FAM163A: variants seen among roughly 807,000 people sequenced by gnomAD.
FAM163A encodes the protein family with sequence similarity 163 member A.
FAM163A carries 7 observed loss-of-function variants against 12.0 expected under a neutral mutation model. The ratio of observed to expected loss-of-function variants is 0.58; its 90% confidence interval spans 0.33 to 1.10. The LOEUF (loss-of-function observed/expected upper bound fraction) is 1.10, where lower values mean the gene tolerates loss of function less well. Ranked by LOEUF, FAM163A falls within the 50% of genes least tolerant of loss-of-function variation. The probability of loss-of-function intolerance (pLI) is 0.03; values close to 1 mark genes in which losing one functional copy is unlikely to be tolerated. For synonymous variants in FAM163A, 101 were observed against 91.0 expected (o/e 1.11, Z -0.62); for missense variants, 202 against 218.6 (o/e 0.92, Z 0.48).
chr1:179,757,794 A>G lies in FAM163A; in HGVS notation c.-136+14371A>G, dbSNP rs544014520. Reference sequence around the variant, plus strand: ...GCCACTGCACTCCAGCCTGAGCGACAAAGCGAGACTGTCTCAAAACAAAAC... The same window carrying G: ...GCCACTGCACTCCAGCCTGAGCGACGAAGCGAGACTGTCTCAAAACAAAAC... On this transcript the variant is annotated intron_variant, in intron 1 of 4. Transcript: ENST00000341785. Among the ~76,000 whole-genome samples, 16 of 151,442 alleles carry G rather than the reference A, an allele frequency of 1.1e-4. 1 individual carries two copies. The East Asian group carries it at 3.1e-3, about 29-fold the overall frequency.
In FAM163A at chr1:179,813,765, G is replaced by C. The variant is rs909956293; in HGVS notation, c.94-14G>C. 1 of 1,613,640 alleles carries C rather than the reference G, an allele frequency of 6.2e-7. No individual in the cohort carries two copies. ...CATTCACCCTCTCAGGCATCCCTCTGCCCTTCCGCACAGTATTACTGCTGC... is the reference window on the plus strand; with the variant it reads ...CATTCACCCTCTCAGGCATCCCTCTCCCCTTCCGCACAGTATTACTGCTGC... On this transcript the variant is annotated splice_polypyrimidine_tract_variant and intron_variant, in intron 4 of 4. Transcript: ENST00000341785.
chr1:179,753,659 GTA>G lies in FAM163A; in HGVS notation c.-136+10240_-136+10241del, dbSNP rs145058793. 4.9e-4 allele frequency among the ~76,000 whole-genome samples: 75 copies of G among 152,280 alleles called. No individual in the cohort carries two copies. The East Asian group carries it at 0.013, about 27-fold the overall frequency. On this transcript the variant is annotated intron_variant, in intron 1 of 4. Transcript: ENST00000341785. Reference sequence around the variant, plus strand: ...GATAAGGGCAGATGTCAATAGGTGTGTATATGGTGGTGGGAAGGCAAGAATGT... The same window carrying G: ...GATAAGGGCAGATGTCAATAGGTGTGTATGGTGGTGGGAAGGCAAGAATGT...
intron 1 of FAM163A, among the ~76,000 whole-genome samples, chr1:179,746,225 C>T (rs751142807): frequency 2.6e-5 from 4 of 152,102 alleles, no homozygotes; most frequent in Non-Finnish European, 4.4e-5. Context: ...TATAAACGCC[C>T]ATGCCATCTG....
At chr1:179,785,819 A>G (rs1298657569) in intron 1 of FAM163A, among the ~76,000 whole-genome samples, 1 of 152,196 alleles carries the variant, frequency 6.6e-6, no homozygotes, top group Non-Finnish European at 1.5e-5. Flanking sequence ...ATTTGATAAT[A>G]TTATTTTTCC....
chr1:179,741,775 A>C (rs1444490013), upstream of FAM163A, among the ~76,000 whole-genome samples: 1 of 152,258 alleles, frequency 6.6e-6, no homozygotes, highest in African/African-American at 2.4e-5. Context: ...GGTAGAAACT[A>C]TAAAGATACG....
At position 179,771,696 on chromosome 1, in the gene FAM163A, A is replaced by C. The variant is rs980904251; in HGVS notation, c.-136+28273A>C. Among the ~76,000 whole-genome samples the C allele has an allele frequency of 2.6e-5, 4 of 151,846 alleles. No homozygotes were observed. The East Asian group carries it at 7.7e-4, about 29-fold the overall frequency. On this transcript the variant is annotated intron_variant, in intron 1 of 4. Coordinates refer to ENST00000341785, the MANE Select transcript of FAM163A (RefSeq NM_173509.3). ...TCCCTTTCCTCCCCAGAGACGGTTC[A>C]CCGCCTCCACATCATCACAGCTCCA...
intron 2 of FAM163A, among the ~76,000 whole-genome samples, chr1:179,808,692 G>A (rs1264221507): frequency 6.6e-6 from 1 of 152,222 alleles, no homozygotes; most frequent in Admixed American, 6.5e-5. Context: ...GTTAAAGCAA[G>A]TTACAGGCCA....
intron 1 of FAM163A, among the ~76,000 whole-genome samples, chr1:179,798,474 G>A (rs994065030): frequency 1.3e-5 from 2 of 152,234 alleles, no homozygotes; most frequent in East Asian, 1.9e-4. Context: ...GCCACCACGC[G>A]CATACTCAGC....
intron 1 of FAM163A, among the ~76,000 whole-genome samples, chr1:179,750,461 G>A (rs981761964): frequency 6.6e-6 from 1 of 152,214 alleles, no homozygotes; most frequent in African/African-American, 2.4e-5. Context: ...CCTGAAGAAT[G>A]AGTAGGAGCT....
chr1:179,772,165 G>C (rs1439839059), intron 1 of FAM163A, among the ~76,000 whole-genome samples: 2 of 152,152 alleles, frequency 1.3e-5, no homozygotes, highest in African/African-American at 4.8e-5. Context: ...TCTGTTAACA[G>C]TCCTGGCATT....
At chr1:179,792,390 C>A (rs1691649396) in intron 1 of FAM163A, among the ~76,000 whole-genome samples, 1 of 151,890 alleles carries the variant, frequency 6.6e-6, no homozygotes, top group African/African-American at 2.4e-5. Context: ...CAAATCCACC[C>A]CCGCTTAGCC....
intron 1 of FAM163A, among the ~76,000 whole-genome samples, chr1:179,758,831 C>T (rs899672559): frequency 2.6e-5 from 4 of 152,220 alleles, no homozygotes; most frequent in African/African-American, 9.7e-5. Flanking sequence ...GACTTCCCCA[C>T]AGTCTAGCAA....
intron 1 of FAM163A, among the ~76,000 whole-genome samples, chr1:179,799,761 G>A (rs1214684275): frequency 5.9e-5 from 9 of 152,226 alleles, no homozygotes; most frequent in African/African-American, 1.9e-4. Flanking sequence ...CTCTGAAGCA[G>A]AGCAGACAGA....
chr1:179,731,616 G>A, the FAM163A span, among the ~76,000 whole-genome samples: 3 of 152,162 alleles, frequency 2.0e-5, no homozygotes, highest in African/African-American at 7.2e-5. Context: ...CCCACCTTGA[G>A]CTAAATAAAT....
chr1:179,782,441 A>G (rs1689916314), intron 1 of FAM163A, among the ~76,000 whole-genome samples: 1 of 151,806 alleles, frequency 6.6e-6, no homozygotes, highest in Admixed American at 6.6e-5. Flanking sequence ...GCAGCACAGG[A>G]GCATCTTCTC....
chr1:179,764,090 C>G (rs1292132855), intron 1 of FAM163A, among the ~76,000 whole-genome samples: 1 of 152,202 alleles, frequency 6.6e-6, no homozygotes, highest in Non-Finnish European at 1.5e-5. Flanking sequence ...CTGAACCAAT[C>G]AAGCACTCTT....
intron 1 of FAM163A, among the ~76,000 whole-genome samples, chr1:179,756,739 TG>T (rs1478142802): frequency 1.3e-5 from 2 of 151,850 alleles, no homozygotes; most frequent in Non-Finnish European, 2.9e-5. Flanking sequence ...AAGCTCATGG[TG>T]GGGGAAGTGT....
At chr1:179,785,183 C>A (rs554749347) in intron 1 of FAM163A, among the ~76,000 whole-genome samples, 1 of 152,304 alleles carries the variant, frequency 6.6e-6, no homozygotes, top group African/African-American at 2.4e-5. Context: ...CCATTCCTCA[C>A]CCTGGCAACT....
chr1:179,737,782 T>C, the FAM163A span, among the ~76,000 whole-genome samples: 2 of 148,960 alleles, frequency 1.3e-5, no homozygotes, highest in Non-Finnish European at 3.0e-5. Flanking sequence ...TTGCAGAGAG[T>C]GGAGATCGCA....
Sources: allele counts gnomAD v4.1 joint callset (sites outside exome capture counted in the v4.1 genomes callset), GRCh38; gene constraint gnomAD v4.1.1; transcripts MANE v1.5; gene names NCBI Gene and HGNC (gene_info 2026-07-23, HGNC 2026-07-21).